The following ANK3 variants were observed in gnomAD, a reference collection of about 807,000 sequenced individuals.
ANK3 encodes the protein ankyrin 3.
A neutral mutation model predicts 370.9 loss-of-function variants in ANK3; 57 were observed. The ratio of observed to expected loss-of-function variants is 0.15; its 90% CI spans 0.12 to 0.19. ANK3 has a LOEUF of 0.19. ANK3 is among the 10% of genes least tolerant of loss of function. The pLI is 1.00. For synonymous variants in ANK3, 1,929 were observed against 1,946.3 expected, an observed-to-expected ratio of 0.99 and a Z score of 0.23; for missense variants, 4,439 against 5,302.1, an observed-to-expected ratio of 0.84 and a Z score of 5.06.
chr10:60,357,582 A>G (rs529992554), intron 1 of ANK3, among the ~76,000 whole-genome samples: 1 of 150,936 alleles, frequency 6.6e-6, no homozygotes, highest in African/African-American at 2.4e-5. Context: ...AGAGAAAACC[A>G]CCTGACTTTG....
At chr10:60,303,540 A>G (rs1272323992) in intron 1 of ANK3, among the ~76,000 whole-genome samples, 1 of 152,196 alleles carries the variant, frequency 6.6e-6, no homozygotes, top group Non-Finnish European at 1.5e-5. Context: ...ACAATGAGCT[A>G]TGACCTCACA....
intron 1 of ANK3, among the ~76,000 whole-genome samples, chr10:60,689,823 T>G (rs968899847): frequency 6.6e-6 from 1 of 152,024 alleles, no homozygotes; most frequent in Non-Finnish European, 1.5e-5. Context: ...ATTTTAGATT[T>G]ATATAGATAA....
intron 1 of ANK3, among the ~76,000 whole-genome samples, chr10:60,358,113 CACACACAA>C (rs147740674): frequency 1.5e-3 from 21 of 14,012 alleles, no homozygotes; most frequent in Admixed American, 2.3e-3. Flanking sequence ...CACACACACA[CACACACAA>C]ACACACACAC....
chr10:60,247,873 G>T (rs955403645), intron 7 of ANK3, among the ~76,000 whole-genome samples: 3 of 152,094 alleles, frequency 2.0e-5, no homozygotes, highest in Non-Finnish European at 1.5e-5. Flanking sequence ...CACCATGTTG[G>T]CTAGGCAGGT....
chr10:60,521,997 C>T (rs901084884), intron 2 of ANK3, among the ~76,000 whole-genome samples: 4 of 152,044 alleles, frequency 2.6e-5, no homozygotes, highest in African/African-American at 4.8e-5. Flanking sequence ...CATTAAGGGA[C>T]TAAGAATACC....
chr10:60,261,286 TG>T (rs1431060226), intron 7 of ANK3, among the ~76,000 whole-genome samples: 1 of 152,192 alleles, frequency 6.6e-6, no homozygotes, highest in East Asian at 1.9e-4. Flanking sequence ...CTACTATGTT[TG>T]GATGTCCAAC....
intron 36 of ANK3, among the ~76,000 whole-genome samples, chr10:60,079,174 T>TCCACACACACACAC (rs573114457): frequency 8.8e-6 from 1 of 113,770 alleles, no homozygotes; most frequent in African/African-American, 3.5e-5. Flanking sequence ...GCTACCTAGC[T>TCCACACACACACAC]ACACACACAC....
rs78775442 is a variant in ANK3 at position 60,530,108 on chromosome 10, C to A, written c.96+85078G>T. Among the ~76,000 whole-genome samples, 7 of 152,254 alleles carry A rather than the reference C, an allele frequency of 4.6e-5. No individual in the cohort carries two copies. In the East Asian group the frequency reaches 1.2e-3, roughly 25 times the overall value. On this transcript the variant is annotated intron_variant, in intron 2 of 43. Transcript: ENST00000373827. ...GCCAGAACCCTGCCTCCTTTCCCCC[C>A]ACCACAAGACAGAAGCCAATCTTGG...
In ANK3 at chr10:60,075,502, T is replaced by A; in HGVS notation, c.5379A>T (p.Arg1793Ser). Residue 1793 changes from arginine (R) to serine (S), a missense_variant, in exon 37 of 44, where the codon AGA becomes AGT. This residue lies in a region of ANK3 where 679 missense variants were observed against 791.0 expected (regional missense o/e 0.86). Transcript: ENST00000280772. ...TATAGAGTGCACTTGCGGAAGGAGT[T>A]CTTAGAGACTGAAAAGCTGATGGTG... ...SAAPSAFQSL[R>S]TPSASALYTS... is the part of the protein sequence containing the mutation. The A allele has an allele frequency of 6.2e-7, 1 of 1,613,402 alleles. No individual in the cohort carries two copies. The highest frequency in any genetic ancestry group is 1.1e-5 in the South Asian group (1 of 91,078).
intron 1 of ANK3, among the ~76,000 whole-genome samples, chr10:60,284,492 G>A (rs1332132385): frequency 1.3e-5 from 2 of 152,088 alleles, no homozygotes; most frequent in Non-Finnish European, 2.9e-5. Flanking sequence ...GTCTGGCTCT[G>A]GAGTCTAGGC....
chr10:60,384,336 C>T (rs1367422384), intron 1 of ANK3, among the ~76,000 whole-genome samples: 1 of 152,070 alleles, frequency 6.6e-6, no homozygotes, highest in Non-Finnish European at 1.5e-5. Flanking sequence ...AAATTTACTG[C>T]AGAGGGTAAG....
intron 1 of ANK3, among the ~76,000 whole-genome samples, chr10:60,366,435 A>C (rs2132762132): frequency 6.6e-6 from 1 of 152,332 alleles, no homozygotes; most frequent in East Asian, 1.9e-4. Flanking sequence ...CTGCCAGGAA[A>C]GGAGGCACTT....
chr10:60,508,421 A>G (rs2075994209), intron 2 of ANK3: 1 of 152,632 alleles, frequency 6.6e-6, no homozygotes, highest in African/African-American at 2.4e-5. Context: ...GAATGAAGGG[A>G]GGGGGCAACT....
At chr10:60,155,163 T>C (rs1166091759) in intron 23 of ANK3, among the ~76,000 whole-genome samples, 1 of 152,136 alleles carries the variant, frequency 6.6e-6, no homozygotes, top group Non-Finnish European at 1.5e-5. Flanking sequence ...ATATCAAGGA[T>C]AGAGGCATTG....
intron 1 of ANK3, chr10:60,684,530 C>T (rs2079242642): frequency 3.8e-6 from 6 of 1,568,502 alleles, no homozygotes; most frequent in Non-Finnish European, 5.2e-6. Flanking sequence ...TCAGACCAGA[C>T]TTCTATCCTG....
intron 11 of ANK3, among the ~76,000 whole-genome samples, chr10:60,203,451 T>G (rs998015872): frequency 4.6e-5 from 7 of 152,206 alleles, no homozygotes; most frequent in African/African-American, 1.4e-4. Flanking sequence ...TATGTGTGTG[T>G]GTAGAAGGAG....
intron 7 of ANK3, among the ~76,000 whole-genome samples, chr10:60,253,466 T>A (rs1475049282): frequency 6.6e-6 from 1 of 152,174 alleles, no homozygotes; most frequent in African/African-American, 2.4e-5. Flanking sequence ...TAAATGGACA[T>A]CAGATAAAAA....
At position 60,027,806 on chromosome 10, in the gene ANK3, T is replaced by A. The variant is rs1375746088; in HGVS notation, c.*2040A>T. 1 of 152,150 alleles carries A rather than the reference T, an allele frequency of 6.6e-6. No homozygotes were observed. The highest frequency in any genetic ancestry group is 1.5e-5 in the Non-Finnish European group (1 of 68,044). 9.4% of individuals were successfully genotyped at this position (152,150 alleles called of 1,614,324 possible). ...GTAGAATTTAGATTCACGCAGTGTA[T>A]GGGTTGCAAATTCACAGTCAGGTTG... On this transcript the variant is annotated 3_prime_UTR_variant, in exon 44 of 44. Transcript: ENST00000280772.
At chr10:60,551,472 A>G (rs1652352546) in intron 2 of ANK3, among the ~76,000 whole-genome samples, 1 of 152,202 alleles carries the variant, frequency 6.6e-6, no homozygotes, top group African/African-American at 2.4e-5. Flanking sequence ...CAAAAATTTA[A>G]AAGAAGATAT....
Sources: gnomAD v4.1 joint callset for allele counts (sites outside exome capture counted in the v4.1 genomes callset) on GRCh38, gnomAD v4.1.1 for gene constraint, gnomAD v4.1.1 regional missense constraint, MANE v1.5 for transcripts, NCBI Gene and HGNC (gene_info 2026-07-23, HGNC 2026-07-21) for gene names.